The following B3GLCT variants were observed in gnomAD, a reference collection of about 807,000 sequenced individuals.
B3GLCT encodes beta 3-glucosyltransferase, also known as beta-1,3-glucosyltransferase.
B3GLCT carries 65 observed loss-of-function variants against 63.4 expected under a neutral mutation model. The ratio of observed to expected loss-of-function variants is 1.03; its 90% CI spans 0.84 to 1.26. The LOEUF is 1.26. Ranked by LOEUF, B3GLCT falls within the 50% of genes most tolerant of loss-of-function variation. The pLI is 0.00. For missense variants in B3GLCT, 577 were observed against 604.8 expected (o/e 0.95, Z 0.48); for synonymous variants, 233 against 219.2 (o/e 1.06, Z -0.55).
intron 3 of B3GLCT, among the ~76,000 whole-genome samples, chr13:31,223,459 C>T (rs1388481029): frequency 1.3e-5 from 2 of 152,210 alleles, no homozygotes; most frequent in Non-Finnish European, 2.9e-5. Context: ...TCACCAGTCA[C>T]GTCTGCCAAA....
At chr13:31,276,844 T>TTATA in intron 10 of B3GLCT, 73 bp downstream of exon 10, 1 of 1,152,098 alleles carries the variant, frequency 8.7e-7, no homozygotes, top group Non-Finnish European at 1.3e-6. Context: ...ACCAATGAAT[T>TTATA]CTTGAGTGTA....
chr13:31,296,805 C>T (rs1212778077), intron 12 of B3GLCT, among the ~76,000 whole-genome samples: 1 of 151,784 alleles, frequency 6.6e-6, no homozygotes, highest in Non-Finnish European at 1.5e-5. Flanking sequence ...CCATCATAAC[C>T]ATTTTTAAGT....
intron 12 of B3GLCT, among the ~76,000 whole-genome samples, chr13:31,295,869 A>T (rs1430130300): frequency 3.3e-5 from 5 of 151,122 alleles, no homozygotes; most frequent in African/African-American, 1.2e-4. Flanking sequence ...GTATAAAAAA[A>T]CTCCTGCAGC....
chr13:31,278,490 G>A lies in B3GLCT; in HGVS notation c.850+1719G>A, dbSNP rs568731712. Reference sequence around the variant, plus strand: ...AAGCCAGATGCATTGATTTACTGCTGTTAATTTGAATCTGGGATCATTAAA... The same window carrying A: ...AAGCCAGATGCATTGATTTACTGCTATTAATTTGAATCTGGGATCATTAAA... On this transcript the variant is annotated intron_variant, in intron 10 of 14. Coordinates refer to ENST00000343307, the MANE Select transcript of B3GLCT (RefSeq NM_194318.4). Among the ~76,000 whole-genome samples the A allele has an allele frequency of 7.1e-4, 108 of 152,262 alleles. 1 individual carries two copies. The highest frequency in any genetic ancestry group is 9.4e-4 in the Non-Finnish European group (64 of 68,022).
chr13:31,296,736 A>G (rs923312234), intron 12 of B3GLCT, among the ~76,000 whole-genome samples: 6 of 152,012 alleles, frequency 3.9e-5, no homozygotes, highest in East Asian at 3.9e-4. Flanking sequence ...TTCATCCACC[A>G]TATGTTTCTT....
Position 31,329,944 on chromosome 13 carries a change from A to G in B3GLCT, c.*276A>G. 2.3e-6 allele frequency: 1 copy of G among 441,372 alleles called. No individual in the cohort carries two copies. Among genetic ancestry groups the G allele is most frequent in the South Asian group, 2.3e-5 (1 of 44,292 alleles). 27.3% of individuals were successfully genotyped at this position (441,372 alleles called of 1,614,324 possible). A position where few individuals can be genotyped will look rare whatever the true frequency, so the allele number is the denominator to read the frequency against. ...TGTATTCTCCAAGCTGTGATACAGCAGTTTTTTTTTATTGTCACAGGGAAA... is the reference window on the plus strand; with the variant it reads ...TGTATTCTCCAAGCTGTGATACAGCGGTTTTTTTTTATTGTCACAGGGAAA... On this transcript the variant is annotated 3_prime_UTR_variant, in exon 15 of 15. Transcript: ENST00000343307.
intron 6 of B3GLCT, among the ~76,000 whole-genome samples, chr13:31,253,012 C>T (rs180976892): frequency 6.6e-6 from 1 of 152,322 alleles, no homozygotes; most frequent in East Asian, 1.9e-4. Flanking sequence ...AACAAACAGT[C>T]TCTCAGACCA....
intron 7 of B3GLCT, among the ~76,000 whole-genome samples, chr13:31,266,790 A>G (rs1422146869): frequency 6.6e-6 from 1 of 152,034 alleles, no homozygotes; most frequent in East Asian, 1.9e-4. Flanking sequence ...TTATTTTTTG[A>G]GATGGAGTCT....
chr13:31,311,396 GC>G (rs1874701253), intron 12 of B3GLCT: 1 of 152,300 alleles, frequency 6.6e-6, no homozygotes, highest in African/African-American at 2.4e-5. Context: ...ATTGTACCAT[GC>G]TAGACTGGCT....
At chr13:31,269,119 T>A in intron 7 of B3GLCT, 95 bp from the exon 8 acceptor site, 1 of 848,544 alleles carries the variant, frequency 1.2e-6, no homozygotes, top group Non-Finnish European at 2.0e-6. Flanking sequence ...TCTGTATGTT[T>A]ATCTGTTTTC....
intron 8 of B3GLCT, among the ~76,000 whole-genome samples, chr13:31,273,989 T>C (rs1324786689): frequency 6.6e-6 from 1 of 152,214 alleles, no homozygotes; most frequent in East Asian, 1.9e-4. Context: ...AGAGGTCAGC[T>C]GATACCTACT....
chr13:31,327,601 A>G (rs1355311224), intron 14 of B3GLCT, among the ~76,000 whole-genome samples: 1 of 152,194 alleles, frequency 6.6e-6, no homozygotes, highest in African/African-American at 2.4e-5. Context: ...TTCTTCTGGG[A>G]TCATTGTGGA....
At chr13:31,221,657 C>G (rs543552306) in intron 2 of B3GLCT, among the ~76,000 whole-genome samples, 1 of 152,222 alleles carries the variant, frequency 6.6e-6, no homozygotes, top group Admixed American at 6.5e-5. Context: ...GTTTAGCTCT[C>G]TCTTCCCCGA....
chr13:31,251,914 G>C (rs533364163), intron 6 of B3GLCT, among the ~76,000 whole-genome samples: 1 of 152,090 alleles, frequency 6.6e-6, no homozygotes, highest in Admixed American at 6.5e-5. Flanking sequence ...ACACATAGTC[G>C]TCAGATTCAC....
At chr13:31,227,452 AT>A (rs1870157215) in intron 3 of B3GLCT, among the ~76,000 whole-genome samples, 1 of 152,242 alleles carries the variant, frequency 6.6e-6, no homozygotes. Context: ...CAAGATAAGA[AT>A]TCAGTTGAAA....
Position 31,257,559 on chromosome 13 carries a change from T to C in B3GLCT, c.460-3387T>C, listed in dbSNP as rs557751571. On this transcript the variant is annotated intron_variant, in intron 6 of 14. Coordinates refer to ENST00000343307, the MANE Select transcript of B3GLCT (RefSeq NM_194318.4). ...TGTAAAAGTTAACAGCTGTCACATA[T>C]GTTCAGTTATGACCTGTTGCTGAAT... Among the ~76,000 whole-genome samples the C allele has an allele frequency of 6.6e-4, 100 of 152,156 alleles. 1 individual carries two copies. Among genetic ancestry groups the C allele is most frequent in the Admixed American group, 2.2e-3 (33 of 15,278 alleles).
chr13:31,253,709 CA>C (rs1357552494), intron 6 of B3GLCT, among the ~76,000 whole-genome samples: 3 of 144,210 alleles, frequency 2.1e-5, no homozygotes, highest in Non-Finnish European at 4.6e-5. Flanking sequence ...GATAGAGATA[CA>C]AAAAAACCCT....
At chr13:31,255,451 C>G (rs1290320629) in intron 6 of B3GLCT, among the ~76,000 whole-genome samples, 1 of 152,134 alleles carries the variant, frequency 6.6e-6, no homozygotes, top group African/African-American at 2.4e-5. Flanking sequence ...GAAAAAACTA[C>G]TTTAAATTTC....
At chr13:31,226,393 G>A (rs1870103665) in intron 3 of B3GLCT, among the ~76,000 whole-genome samples, 2 of 152,218 alleles carry the variant, frequency 1.3e-5, no homozygotes, top group African/African-American at 4.8e-5. Flanking sequence ...TGATTTCTTA[G>A]TGGCTATGTT....
Sources: allele counts gnomAD v4.1 joint callset (sites outside exome capture counted in the v4.1 genomes callset), GRCh38; gene constraint gnomAD v4.1.1; transcripts MANE v1.5; gene names NCBI Gene and HGNC (gene_info 2026-07-23, HGNC 2026-07-21).